ANXA8: variants seen among roughly 807,000 people sequenced by gnomAD.
The protein encoded by ANXA8 is VAC-beta.
ANXA8 carries 9 observed loss-of-function variants against 26.8 expected under a neutral mutation model. The ratio of observed to expected loss-of-function variants is 0.34; its 90% CI spans 0.20 to 0.59. The LOEUF (loss-of-function observed/expected upper bound fraction) is 0.59, where lower values mean the gene tolerates loss of function less well. ANXA8 is among the 20% of genes least tolerant of loss of function. ANXA8 has a pLI of 0.84. For missense variants in ANXA8, 83 were observed against 238.5 expected (o/e 0.35, Z 4.29); for synonymous variants, 39 against 94.8 (o/e 0.41, Z 3.42).
the ANXA8 span, among the ~76,000 whole-genome samples, chr10:47,682,764 C>T: frequency 1.3e-5 from 2 of 152,030 alleles, no homozygotes; most frequent in African/African-American, 2.4e-5. Context: ...CCCACTGCAC[C>T]TGGCCTCACC....
At chr10:47,554,504 CCCATTG>C in the ANXA8 span, among the ~76,000 whole-genome samples, 1 of 150,760 alleles carries the variant, frequency 6.6e-6, no homozygotes, top group East Asian at 2.0e-4. Context: ...CAGGGATCCA[CCCATTG>C]CCACCTGAGG....
In ANXA8 at chr10:47,468,859, G is replaced by T; in HGVS notation, c.972C>A (p.Gly324=). The change falls in exon 12 of 12, where the codon GGC becomes GGA. Residue 324 remains glycine (G), a synonymous_variant. Coordinates refer to ENST00000585281, the MANE Select transcript of ANXA8 (RefSeq NM_001040084.3). ...GTTCTTCTGTGCCTCAGGGGTCGCT[G>T]CCCACCAGGCTCAGCAGGGCGTTCT... The part of the protein sequence containing the change: ...DYKNALLSLV[G]SDP 6.2e-7 allele frequency: 1 copy of T among 1,610,934 alleles called. No homozygotes were observed. Among genetic ancestry groups the T allele is most frequent in the Non-Finnish European group, 8.5e-7 (1 of 1,179,714 alleles).
rs1229994172 is a variant in ANXA8 at position 47,482,237 on chromosome 10, G to T, written c.21+1676C>A. ...TACCCCTAGCCAGCTCTCACATGGG[G>T]TATGGACGACCAGGGTATGGTTTTG... On this transcript the variant is annotated intron_variant, in intron 1 of 11. Coordinates refer to ENST00000585281, the MANE Select transcript of ANXA8 (RefSeq NM_001040084.3). Among the ~76,000 whole-genome samples the T allele has an allele frequency of 1.2e-4, 16 of 128,218 alleles. 1 individual carries two copies. Among genetic ancestry groups the T allele is most frequent in the Non-Finnish European group, 2.0e-4 (13 of 63,424 alleles). 84.1% of individuals were successfully genotyped at this position (128,218 alleles called of 152,430 possible). A position where few individuals can be genotyped will look rare whatever the true frequency, so the allele number is the denominator to read the frequency against.
At chr10:47,733,163 T>TTCTTTCTTTCTTTCTTTCTCTCTCTCTC in the ANXA8 span, among the ~76,000 whole-genome samples, 2 of 97,950 alleles carry the variant, frequency 2.0e-5, no homozygotes, top group African/African-American at 6.8e-5. Flanking sequence ...CTTTCTTTCT[T>TTCTTTCTTTCTTTCTTTCTCTCTCTCTC]TCTTTCTTTC....
the ANXA8 span, among the ~76,000 whole-genome samples, chr10:47,743,327 T>TATATAC: frequency 2.5e-4 from 10 of 40,334 alleles, no homozygotes; most frequent in South Asian, 2.5e-3. Flanking sequence ...TATATATATA[T>TATATAC]ACATATATAT....
At chr10:47,668,058 C>T in the ANXA8 span, among the ~76,000 whole-genome samples, 4 of 151,680 alleles carry the variant, frequency 2.6e-5, no homozygotes, top group South Asian at 6.2e-4. Context: ...TTTTCAGTTA[C>T]GAAACTTACA....
the ANXA8 span, among the ~76,000 whole-genome samples, chr10:47,555,353 G>A: frequency 6.6e-6 from 1 of 151,168 alleles, no homozygotes; most frequent in Non-Finnish European, 1.5e-5. Flanking sequence ...AGGTGCAGGG[G>A]CAGGGCACTA....
the ANXA8 span, among the ~76,000 whole-genome samples, chr10:47,648,208 C>T: frequency 6.7e-6 from 1 of 148,400 alleles, no homozygotes; most frequent in South Asian, 2.1e-4. Context: ...CTTCCATTCT[C>T]TTGCCTATGT....
At chr10:47,776,143 T>A in the ANXA8 span, among the ~76,000 whole-genome samples, 1 of 151,830 alleles carries the variant, frequency 6.6e-6, no homozygotes, top group Non-Finnish European at 1.5e-5. Context: ...GAGGGAGCAA[T>A]GGCTATTTCT....
At chr10:47,622,817 G>A in the ANXA8 span, among the ~76,000 whole-genome samples, 3 of 111,484 alleles carry the variant, frequency 2.7e-5, 1 homozygote, top group Non-Finnish European at 5.9e-5. Flanking sequence ...TCCTTACTTA[G>A]TCTGACAAAA....
chr10:47,616,653 G>C, the ANXA8 span, among the ~76,000 whole-genome samples: 10 of 66,116 alleles, frequency 1.5e-4, 4 homozygotes, highest in African/African-American at 4.4e-4. Context: ...ATCATGTATG[G>C]TTCCATTGCA....
At chr10:47,902,109 C>A in the ANXA8 span, among the ~76,000 whole-genome samples, 1 of 151,714 alleles carries the variant, frequency 6.6e-6, no homozygotes, top group Non-Finnish European at 1.5e-5. Context: ...TCATTAAGTT[C>A]TTTTATTAGC....
intron 9 of ANXA8, 39 bp downstream of exon 9, chr10:47,473,931 G>T (rs1433237693): frequency 4.8e-6 from 2 of 420,228 alleles, no homozygotes; most frequent in African/African-American, 9.0e-5. Flanking sequence ...CCCACGGTGA[G>T]CCCTGTGGCC....
the ANXA8 span, among the ~76,000 whole-genome samples, chr10:47,924,525 G>C: frequency 6.6e-6 from 1 of 150,872 alleles, no homozygotes; most frequent in Non-Finnish European, 1.5e-5. Context: ...AGAGTGGACA[G>C]TGGCTGGCCT....
At chr10:47,566,019 G>C in the ANXA8 span, 81 of 1,122,814 alleles carry the variant, frequency 7.2e-5, no homozygotes, top group Middle Eastern at 9.6e-4. Flanking sequence ...GAGATGTCCT[G>C]ACCCCTCCGC....
the ANXA8 span, among the ~76,000 whole-genome samples, chr10:47,981,274 A>G: frequency 6.7e-6 from 1 of 148,922 alleles, no homozygotes; most frequent in Non-Finnish European, 1.5e-5. Flanking sequence ...CACTCATAAA[A>G]CTAGAAATAG....
the ANXA8 span, among the ~76,000 whole-genome samples, chr10:47,606,078 A>T: frequency 4.6e-4 from 68 of 146,642 alleles, no homozygotes; most frequent in East Asian, 0.013. Flanking sequence ...TTAAGCAAGA[A>T]CTCTCAGTTA....
chr10:47,721,178 AC>A, the ANXA8 span, among the ~76,000 whole-genome samples: 2 of 141,602 alleles, frequency 1.4e-5, 1 homozygote, highest in Non-Finnish European at 3.1e-5. Flanking sequence ...ATGGTATGTA[AC>A]AAACAACATT....
the ANXA8 span, among the ~76,000 whole-genome samples, chr10:47,668,114 T>A: frequency 2.0e-5 from 3 of 150,838 alleles, no homozygotes; most frequent in Non-Finnish European, 4.4e-5. Context: ...ACTGGTTTTT[T>A]TTCCTCTCTG....
Sources: allele counts gnomAD v4.1 joint callset (sites outside exome capture counted in the v4.1 genomes callset), GRCh38; gene constraint gnomAD v4.1.1; transcripts MANE v1.5; gene names NCBI Gene and HGNC (gene_info 2026-07-23, HGNC 2026-07-21).